The following LPP variants were observed in gnomAD, a reference collection of about 807,000 sequenced individuals.
LPP encodes the protein LIM domain containing preferred translocation partner in lipoma.
In LPP, 38 loss-of-function variants were observed where a neutral mutation model predicts 60.4. The observed-to-expected ratio is 0.63, with a 90% CI of 0.49 to 0.83. The LOEUF is 0.83. Among genes scored for constraint, LPP ranks in the 40% least tolerant of loss-of-function variants. The pLI, the probability that LPP is intolerant of heterozygous loss-of-function variation, is 0.00. For missense variants in LPP, 902 were observed against 783.6 expected, an observed-to-expected ratio of 1.15 and a Z score of -1.80; for synonymous variants, 328 against 290.8, an observed-to-expected ratio of 1.13 and a Z score of -1.30.
intron 7 of LPP, among the ~76,000 whole-genome samples, chr3:188,675,399 G>T (rs944949102): frequency 1.3e-5 from 2 of 152,148 alleles, no homozygotes; most frequent in African/African-American, 4.8e-5. Context: ...AACAAACCAC[G>T]CATACACACA....
intron 9 of LPP, among the ~76,000 whole-genome samples, chr3:188,841,941 T>C (rs1330651766): frequency 6.6e-6 from 1 of 152,208 alleles, no homozygotes; most frequent in Non-Finnish European, 1.5e-5. Context: ...AAGGAGATTT[T>C]GGGCTGAGAC....
chr3:188,795,223 T>C (rs1193726771), intron 9 of LPP, among the ~76,000 whole-genome samples: 2 of 152,218 alleles, frequency 1.3e-5, no homozygotes, highest in Non-Finnish European at 2.9e-5. Context: ...TCAGGAAAGA[T>C]AACGTTAAAA....
intron 9 of LPP, among the ~76,000 whole-genome samples, chr3:188,783,587 A>G (rs1740540599): frequency 6.6e-6 from 1 of 152,084 alleles, no homozygotes; most frequent in Non-Finnish European, 1.5e-5. Flanking sequence ...AGAGGAATGA[A>G]GATAGCTGTT....
intron 2 of LPP, among the ~76,000 whole-genome samples, chr3:188,317,995 G>C (rs891840160): frequency 6.6e-6 from 1 of 152,136 alleles, no homozygotes; most frequent in African/African-American, 2.4e-5. Flanking sequence ...GAGTGTGGGA[G>C]GACAGGCAGA....
At chr3:188,280,230 G>C (rs1162301757) in intron 2 of LPP, among the ~76,000 whole-genome samples, 1 of 152,166 alleles carries the variant, frequency 6.6e-6, no homozygotes, top group East Asian at 1.9e-4. Flanking sequence ...TGATGTAATG[G>C]CCCAGATGAA....
intron 1 of LPP, among the ~76,000 whole-genome samples, chr3:188,210,166 A>G (rs1358860159): frequency 1.3e-5 from 2 of 152,234 alleles, no homozygotes; most frequent in African/African-American, 2.4e-5. Context: ...CTCAGGTATT[A>G]TAAGTAATCT....
rs13100294 is a variant in LPP, at chr3:188,882,780, C to A, written c.*8301C>A. The A allele has an allele frequency of 0.038, 7,070 of 185,070 alleles. 154 individuals are homozygous for A. The highest frequency in any genetic ancestry group is 0.051 in the Non-Finnish European group (4,485 of 87,430). The allele number at this position is 185,070 out of a possible 1,614,324, so 11.5% of individuals were successfully genotyped here. On this transcript the variant is annotated 3_prime_UTR_variant, in exon 12 of 12. Coordinates refer to ENST00000617246, the MANE Select transcript of LPP (RefSeq NM_001375462.1). ...TTGAGACGGAGTCTTGCTCTGTCGC[C>A]CAGGCTGGAGTGCAGTGGCGCAATC...
intron 2 of LPP, among the ~76,000 whole-genome samples, chr3:188,240,668 G>A (rs1405708639): frequency 6.6e-6 from 1 of 151,558 alleles, no homozygotes; most frequent in East Asian, 1.9e-4. Flanking sequence ...ATCCAATCAT[G>A]TCAACTAGTA....
chr3:188,474,710 T>A, intron 4 of LPP, among the ~76,000 whole-genome samples: 1 of 152,250 alleles, frequency 6.6e-6, no homozygotes, highest in East Asian at 1.9e-4. Flanking sequence ...TGCCTCATTT[T>A]CTGTCCATCA....
chr3:188,388,948 A>G (rs1173754585), intron 3 of LPP, among the ~76,000 whole-genome samples: 1 of 152,150 alleles, frequency 6.6e-6, no homozygotes, highest in African/African-American at 2.4e-5. Context: ...ACAAATAGAG[A>G]ATATGTAGGT....
intron 2 of LPP, among the ~76,000 whole-genome samples, chr3:188,235,411 T>C (rs1033361687): frequency 3.9e-5 from 6 of 152,242 alleles, no homozygotes; most frequent in Non-Finnish European, 7.3e-5. Context: ...GTGGGGTTGA[T>C]GCAGTTAGGT....
intron 2 of LPP, among the ~76,000 whole-genome samples, chr3:188,247,800 GAA>G (rs796405602): frequency 0.048 from 3,806 of 78,606 alleles, 78 homozygotes; most frequent in African/African-American, 0.08. Context: ...CTCCATCTCA[GAA>G]AAAAAAAAAA....
At chr3:188,775,036 T>C (rs1737269857) in intron 9 of LPP, among the ~76,000 whole-genome samples, 1 of 150,784 alleles carries the variant, frequency 6.6e-6, no homozygotes, top group Non-Finnish European at 1.5e-5. Context: ...TCTAGTTATA[T>C]AGAAACTACA....
At chr3:188,314,690 A>G (rs1037622624) in intron 2 of LPP, among the ~76,000 whole-genome samples, 1 of 152,030 alleles carries the variant, frequency 6.6e-6, no homozygotes, top group Non-Finnish European at 1.5e-5. Flanking sequence ...GCATGGTGTC[A>G]TGCGCCTGTA....
In LPP at chr3:188,587,349, CAAAAAAAAAAAAAA is replaced by C. The variant is rs1160321359; in HGVS notation, c.430-21795_430-21782del. 7.6e-4 allele frequency among the ~76,000 whole-genome samples: 2 copies of C among 2,642 alleles called. 1 individual carries two copies. The highest frequency in any genetic ancestry group is 1.8e-3 in the African/African-American group (2 of 1,086). 1.7% of individuals were successfully genotyped at this position (2,642 alleles called of 152,430 possible). ...TGGGCGACAGAGCGAGACTCCGTCT[CAAAAAAAAAAAAAA>C]AAAAAAAAAAAAAAAAGAAAGTTGG... On this transcript the variant is annotated intron_variant, in intron 6 of 11. Transcript: ENST00000617246.
chr3:188,261,713 G>C (rs1459712220), intron 2 of LPP, among the ~76,000 whole-genome samples: 1 of 150,342 alleles, frequency 6.7e-6, no homozygotes, highest in Non-Finnish European at 1.5e-5. Context: ...TTTGAGACCA[G>C]CCTGGGCAAC....
intron 7 of LPP, among the ~76,000 whole-genome samples, chr3:188,622,544 A>T (rs1452586735): frequency 1.3e-5 from 2 of 152,118 alleles, no homozygotes; most frequent in Non-Finnish European, 2.9e-5. Flanking sequence ...TATACTTGCA[A>T]TGTTACTATA....
intron 9 of LPP, among the ~76,000 whole-genome samples, chr3:188,800,228 A>T (rs1746643815): frequency 7.6e-6 from 1 of 131,018 alleles, no homozygotes. Flanking sequence ...AATTATCTTC[A>T]TGAAATGTTG....
intron 4 of LPP, among the ~76,000 whole-genome samples, chr3:188,422,020 G>T (rs1296160538): frequency 6.6e-6 from 1 of 152,124 alleles, no homozygotes; most frequent in African/African-American, 2.4e-5. Context: ...GAGAACAGCT[G>T]GTGGTTCACA....
Sources: gnomAD v4.1 joint callset for allele counts (sites outside exome capture counted in the v4.1 genomes callset) on GRCh38, gnomAD v4.1.1 for gene constraint, MANE v1.5 for transcripts, NCBI Gene and HGNC (gene_info 2026-07-23, HGNC 2026-07-21) for gene names.